CSMD1: variants seen among roughly 807,000 people sequenced by gnomAD.
CSMD1 encodes CUB and sushi domain-containing protein 1.
CSMD1 carries 213 observed loss-of-function variants against 417.5 expected under a neutral mutation model. The observed-to-expected ratio is 0.51, with a 90% CI of 0.46 to 0.57. CSMD1 has a LOEUF of 0.57. Among genes scored for constraint, CSMD1 ranks in the 20% least tolerant of loss-of-function variants. The probability of loss-of-function intolerance (pLI) is 0.00; values close to 1 mark genes in which losing one functional copy is unlikely to be tolerated. For missense variants in CSMD1, 6,923 were observed against 4,529.7 expected (o/e 1.53, Z -15.17); for synonymous variants, 2,862 against 1,736.8 (o/e 1.65, Z -16.11).
At position 3,200,520 on chromosome 8, in the gene CSMD1, A is replaced by G. The variant is rs78173456; in HGVS notation, c.5099-711T>C. 3.1e-3 allele frequency among the ~76,000 whole-genome samples: 470 copies of G among 151,990 alleles called. 21 individuals are homozygous for G. In the East Asian group the frequency reaches 0.077, roughly 25 times the overall value. ...CAGTGAGCCGAGATGGTGCCACTGC[A>G]CTCTAGCCTGGGCAAGAGAGTGAGT... On this transcript the variant is annotated intron_variant, in intron 32 of 69. Coordinates refer to ENST00000635120, the MANE Select transcript of CSMD1 (RefSeq NM_033225.6).
chr8:4,954,483 C>T (rs1585400423), intron 1 of CSMD1, among the ~76,000 whole-genome samples: 1 of 152,114 alleles, frequency 6.6e-6, no homozygotes, highest in Admixed American at 6.6e-5. Flanking sequence ...TGAAATTGAT[C>T]ACGTGGCACA....
At chr8:2,995,469 G>T (rs1203104160) in intron 54 of CSMD1, among the ~76,000 whole-genome samples, 1 of 152,182 alleles carries the variant, frequency 6.6e-6, no homozygotes, top group East Asian at 1.9e-4. Flanking sequence ...GTACCGCCAT[G>T]CTGGAAAAAT....
intron 12 of CSMD1, among the ~76,000 whole-genome samples, chr8:3,430,237 G>A (rs1327654231): frequency 2.6e-5 from 4 of 152,018 alleles, no homozygotes; most frequent in East Asian, 1.9e-4. Flanking sequence ...TCTGCTATAA[G>A]GGAGATGTTA....
chr8:4,725,303 C>A (rs1391463137), intron 1 of CSMD1, among the ~76,000 whole-genome samples: 1 of 152,158 alleles, frequency 6.6e-6, no homozygotes, highest in Non-Finnish European at 1.5e-5. Flanking sequence ...TTCTTCAACA[C>A]CATTTTTCCT....
intron 1 of CSMD1, among the ~76,000 whole-genome samples, chr8:4,915,814 G>A (rs1266959205): frequency 6.6e-6 from 1 of 152,204 alleles, no homozygotes; most frequent in Non-Finnish European, 1.5e-5. Context: ...TGGCATCTTG[G>A]CCACACGGAG....
chr8:4,854,517 A>G (rs771198265), intron 1 of CSMD1, among the ~76,000 whole-genome samples: 1 of 152,146 alleles, frequency 6.6e-6, no homozygotes, highest in African/African-American at 2.4e-5. Flanking sequence ...TCATCTCACT[A>G]GGGAGTGCCA....
chr8:4,069,619 T>C (rs1799440305), intron 3 of CSMD1, among the ~76,000 whole-genome samples: 1 of 152,192 alleles, frequency 6.6e-6, no homozygotes, highest in Admixed American at 6.5e-5. Context: ...CCATCTGGCC[T>C]GTATTCCCCT....
chr8:3,862,013 A>G (rs1383238650), intron 5 of CSMD1, among the ~76,000 whole-genome samples: 1 of 152,204 alleles, frequency 6.6e-6, no homozygotes, highest in Non-Finnish European at 1.5e-5. Context: ...TAAAACCAAC[A>G]CAATCATTCC....
intron 1 of CSMD1, among the ~76,000 whole-genome samples, chr8:4,974,798 A>G (rs1190476358): frequency 1.3e-5 from 2 of 152,142 alleles, no homozygotes; most frequent in Non-Finnish European, 2.9e-5. Flanking sequence ...AAAATATGGG[A>G]TGATAAAATA....
At chr8:4,289,497 G>A (rs1481878079) in intron 3 of CSMD1, among the ~76,000 whole-genome samples, 2 of 152,138 alleles carry the variant, frequency 1.3e-5, no homozygotes, top group African/African-American at 2.4e-5. Context: ...CATAAACTGA[G>A]TTCTGTCCAC....
intron 3 of CSMD1, among the ~76,000 whole-genome samples, chr8:4,328,059 C>A (rs1245097905): frequency 1.3e-5 from 2 of 152,218 alleles, no homozygotes; most frequent in South Asian, 4.2e-4. Context: ...AAGTACTAAG[C>A]TCTGCACTCC....
At position 4,699,565 on chromosome 8, in the gene CSMD1, C is replaced by T. The variant is rs963727855; in HGVS notation, c.86-62007G>A. ...ATTAACTCTTCTGTGTGGATCCTTT[C>T]TTTCTAATTTAACCAATAAGAATAT... is the stretch of plus-strand genomic sequence containing the variant. On this transcript the variant is annotated intron_variant, in intron 1 of 69. Transcript: ENST00000635120. 3.3e-5 allele frequency among the ~76,000 whole-genome samples: 5 copies of T among 152,094 alleles called. No individual in the cohort carries two copies. In the East Asian group the frequency reaches 7.7e-4, roughly 23 times the overall value.
intron 37 of CSMD1, among the ~76,000 whole-genome samples, chr8:3,173,068 G>C (rs914549958): frequency 2.0e-5 from 3 of 152,178 alleles, no homozygotes; most frequent in African/African-American, 7.2e-5. Context: ...CCAAAGACTT[G>C]TGGAGGACAA....
chr8:4,271,568 G>C (rs774793702), intron 3 of CSMD1, among the ~76,000 whole-genome samples: 2 of 148,902 alleles, frequency 1.3e-5, no homozygotes, highest in Non-Finnish European at 3.0e-5. Flanking sequence ...TTTCAAAAGA[G>C]AGAAAAAAAA....
intron 3 of CSMD1, among the ~76,000 whole-genome samples, chr8:4,258,160 G>T (rs559701858): frequency 3.3e-5 from 5 of 150,434 alleles, no homozygotes; most frequent in African/African-American, 1.2e-4. Flanking sequence ...GTTCAGGCTG[G>T]TCTCAAACTC....
chr8:3,903,002 T>G (rs2129134654), intron 5 of CSMD1, among the ~76,000 whole-genome samples: 1 of 152,262 alleles, frequency 6.6e-6, no homozygotes, highest in South Asian at 2.1e-4. Flanking sequence ...CTTTCTAGTC[T>G]TACGATGAAT....
intron 8 of CSMD1, among the ~76,000 whole-genome samples, chr8:3,615,156 G>A (rs112043398): frequency 1.6e-4 from 25 of 152,274 alleles, no homozygotes; most frequent in African/African-American, 5.8e-4. Context: ...CACACTCACT[G>A]CATTGCTAAT....
At chr8:3,089,240 T>C (rs1472662585) in intron 48 of CSMD1, among the ~76,000 whole-genome samples, 2 of 152,214 alleles carry the variant, frequency 1.3e-5, no homozygotes, top group Admixed American at 6.5e-5. Context: ...GTCTAATGGG[T>C]ACCCAGGTGA....
intron 54 of CSMD1, among the ~76,000 whole-genome samples, chr8:2,988,874 T>C (rs752493743): frequency 6.6e-6 from 1 of 152,044 alleles, no homozygotes; most frequent in African/African-American, 2.4e-5. Flanking sequence ...CAGGGTGAGG[T>C]GGATGTTGTA....
Sources: gnomAD v4.1 joint callset for allele counts (sites outside exome capture counted in the v4.1 genomes callset) on GRCh38, gnomAD v4.1.1 for gene constraint, MANE v1.5 for transcripts, NCBI Gene and HGNC (gene_info 2026-07-23, HGNC 2026-07-21) for gene names.